The following ZC3H12B variants were observed in gnomAD, a reference collection of about 807,000 sequenced individuals.
ZC3H12B encodes the protein probable ribonuclease ZC3H12B.
A neutral mutation model predicts 43.9 loss-of-function variants in ZC3H12B; 7 were observed. That is an observed-to-expected ratio of 0.16 (90% CI 0.09 to 0.30). The LOEUF (loss-of-function observed/expected upper bound fraction) is 0.30, where lower values mean the gene tolerates loss of function less well. Among genes scored for constraint, ZC3H12B ranks in the 10% least tolerant of loss-of-function variants. The probability of loss-of-function intolerance (pLI) is 1.00; values close to 1 mark genes in which losing one functional copy is unlikely to be tolerated. For missense variants in ZC3H12B, 475 were observed against 670.2 expected (o/e 0.71, Z 3.22); for synonymous variants, 222 against 241.7 (o/e 0.92, Z 0.76).
chrX:65,126,823 T>C, the ZC3H12B span, among the ~76,000 whole-genome samples: 1 of 107,826 alleles, frequency 9.3e-6, no homozygotes, highest in African/African-American at 3.4e-5. Flanking sequence ...TTAATCAAAG[T>C]GTGTCCTTGA....
the ZC3H12B span, among the ~76,000 whole-genome samples, chrX:65,217,285 G>A: frequency 8.9e-6 from 1 of 112,032 alleles, no homozygotes; most frequent in Non-Finnish European, 1.9e-5. Flanking sequence ...CACAGGCGTA[G>A]GTTAACAATA....
At chrX:65,129,242 T>TAC in the ZC3H12B span, among the ~76,000 whole-genome samples, 11,151 of 106,429 alleles carry the variant, frequency 0.1, 1,516 homozygotes, top group African/African-American at 0.36. Context: ...ATTATATATG[T>TAC]ATGTGTGTAT....
the ZC3H12B span, among the ~76,000 whole-genome samples, chrX:65,041,653 A>T: frequency 1.8e-5 from 2 of 112,158 alleles, no homozygotes; most frequent in Non-Finnish European, 3.8e-5. Flanking sequence ...TCTTCCTATC[A>T]ATTAATCAGA....
chrX:65,189,923 G>C, the ZC3H12B span, among the ~76,000 whole-genome samples: 3 of 107,945 alleles, frequency 2.8e-5, no homozygotes, highest in African/African-American at 7.1e-5. Flanking sequence ...GGGTTTTTAT[G>C]GTTTTAGGTC....
intron 2 of ZC3H12B, among the ~76,000 whole-genome samples, chrX:65,397,623 A>T (rs754173875): frequency 9.0e-6 from 1 of 111,506 alleles, no homozygotes; most frequent in Non-Finnish European, 1.9e-5. Context: ...TATACAAGAA[A>T]CATATCTCAA....
chrX:65,098,792 C>G, the ZC3H12B span, among the ~76,000 whole-genome samples: 1 of 111,026 alleles, frequency 9.0e-6, no homozygotes, highest in Non-Finnish European at 1.9e-5. Flanking sequence ...GTTTCAAGCA[C>G]AAAATGGGGC....
intron 3 of ZC3H12B, among the ~76,000 whole-genome samples, chrX:65,465,450 C>A (rs1346863499): frequency 9.0e-6 from 1 of 111,009 alleles, no homozygotes; most frequent in Non-Finnish European, 1.9e-5. Context: ...GTTTGCATGG[C>A]ATATCTTTTT....
chrX:65,166,526 G>A, the ZC3H12B span, among the ~76,000 whole-genome samples: 1 of 111,963 alleles, frequency 8.9e-6, no homozygotes, highest in East Asian at 2.8e-4. Context: ...TGTGTTTATA[G>A]CAGCATCATT....
intron 3 of ZC3H12B, among the ~76,000 whole-genome samples, chrX:65,459,700 ACT>A: frequency 9.0e-6 from 1 of 111,583 alleles, no homozygotes; most frequent in Non-Finnish European, 1.9e-5. Flanking sequence ...TATTGATGGG[ACT>A]TATCTCAAAA....
chrX:65,463,539 A>C (rs1428095144), intron 3 of ZC3H12B, among the ~76,000 whole-genome samples: 1 of 111,626 alleles, frequency 9.0e-6, no homozygotes. Context: ...GGAGGCCAGA[A>C]GTCTGAAATC....
At chrX:65,244,453 TA>T in the ZC3H12B span, among the ~76,000 whole-genome samples, 12 of 109,064 alleles carry the variant, frequency 1.1e-4, no homozygotes, top group African/African-American at 3.7e-4. Flanking sequence ...CTTAATTCAT[TA>T]AAAAAAAGTG....
the ZC3H12B span, among the ~76,000 whole-genome samples, chrX:65,244,357 G>A: frequency 2.0e-4 from 22 of 110,767 alleles, no homozygotes; most frequent in South Asian, 3.4e-3. Context: ...GAGAATTACC[G>A]AAACATAACA....
chrX:65,168,541 G>A, the ZC3H12B span, among the ~76,000 whole-genome samples: 2 of 110,278 alleles, frequency 1.8e-5, no homozygotes, highest in Admixed American at 9.7e-5. Flanking sequence ...GTATCAGGAT[G>A]ATGTGGGCCA....
the ZC3H12B span, among the ~76,000 whole-genome samples, chrX:65,190,250 C>T: frequency 9.1e-6 from 1 of 110,360 alleles, no homozygotes; most frequent in Non-Finnish European, 1.9e-5. Flanking sequence ...CAGCTTTGTT[C>T]TTTTGGCTTA....
chrX:65,265,421 G>A, the ZC3H12B span, among the ~76,000 whole-genome samples: 1 of 112,076 alleles, frequency 8.9e-6, no homozygotes, highest in African/African-American at 3.2e-5. Context: ...TAATTAGTGA[G>A]CCATATCCAG....
chrX:65,320,820 G>A, the ZC3H12B span, among the ~76,000 whole-genome samples: 2 of 112,063 alleles, frequency 1.8e-5, no homozygotes, highest in African/African-American at 6.5e-5. Flanking sequence ...TTCAATAAAT[G>A]GTGCTGGGAT....
chrX:65,100,566 C>CAAAAAAAAAAAAA, the ZC3H12B span, among the ~76,000 whole-genome samples: 12 of 4,531 alleles, frequency 2.6e-3, 3 homozygotes, highest in African/African-American at 9.3e-3. Flanking sequence ...AAAGATAAAG[C>CAAAAAAAAAAAAA]AAAAAAAAAA....
intron 3 of ZC3H12B, among the ~76,000 whole-genome samples, chrX:65,466,915 A>AATAT (rs58150008): frequency 0.014 from 341 of 23,703 alleles, 24 homozygotes; most frequent in Non-Finnish European, 0.038. Context: ...TATAAAACCA[A>AATAT]ATATATATAT....
At chrX:65,371,060 A>G (rs1202918067) in intron 2 of ZC3H12B, among the ~76,000 whole-genome samples, 3 of 112,062 alleles carry the variant, frequency 2.7e-5, no homozygotes, top group Non-Finnish European at 5.6e-5. Flanking sequence ...TCCAACATTG[A>G]TATTCTAATA....
Sources: allele counts gnomAD v4.1 joint callset (sites outside exome capture counted in the v4.1 genomes callset), GRCh38; gene constraint gnomAD v4.1.1; transcripts MANE v1.5; gene names NCBI Gene and HGNC (gene_info 2026-07-23, HGNC 2026-07-21).